The following MAF variants were observed in gnomAD, a reference collection of about 807,000 sequenced individuals.
MAF encodes transcription factor Maf.
MAF carries 10 observed loss-of-function variants against 22.0 expected under a neutral mutation model. The ratio of observed to expected loss-of-function variants is 0.45; its 90% confidence interval spans 0.28 to 0.77. The LOEUF (loss-of-function observed/expected upper bound fraction) is 0.77. MAF is among the 30% of genes least tolerant of loss of function. The pLI is 0.12. For missense variants in MAF, 544 were observed against 548.4 expected, an observed-to-expected ratio of 0.99 and a Z score of 0.08; for synonymous variants, 337 against 255.8, an observed-to-expected ratio of 1.32 and a Z score of -3.03.
At chr16:79,566,566 C>T in the MAF span, among the ~76,000 whole-genome samples, 1 of 152,226 alleles carries the variant, frequency 6.6e-6, no homozygotes, top group Non-Finnish European at 1.5e-5. Context: ...TCCTTTCACT[C>T]TGCACCCTCG....
the MAF span, among the ~76,000 whole-genome samples, chr16:79,401,478 T>G: frequency 2.0e-5 from 3 of 152,160 alleles, no homozygotes; most frequent in East Asian, 5.8e-4. Context: ...ACCCAGGGTC[T>G]ACTGAGAATA....
At chr16:79,572,904 G>A in the MAF span, among the ~76,000 whole-genome samples, 1 of 152,198 alleles carries the variant, frequency 6.6e-6, no homozygotes, top group Non-Finnish European at 1.5e-5. Flanking sequence ...GCTATAAGAT[G>A]CTATAAATAT....
the MAF span, among the ~76,000 whole-genome samples, chr16:79,447,324 T>C: frequency 7.2e-6 from 1 of 139,194 alleles, no homozygotes. Context: ...TGTTAAGACC[T>C]ACTGCTCAAA....
chr16:79,585,550 C>A (rs1330084903), downstream of MAF, among the ~76,000 whole-genome samples: 1 of 151,138 alleles, frequency 6.6e-6, no homozygotes, highest in South Asian at 2.1e-4. Context: ...AGTAGACTCA[C>A]GTTGGATAAA....
the MAF span, among the ~76,000 whole-genome samples, chr16:79,472,060 T>C: frequency 6.6e-6 from 1 of 152,182 alleles, no homozygotes; most frequent in Non-Finnish European, 1.5e-5. Flanking sequence ...CTGACCTCTC[T>C]TTCCCTCTCT....
chr16:79,574,984 G>C, the MAF span, among the ~76,000 whole-genome samples: 2 of 151,740 alleles, frequency 1.3e-5, no homozygotes, highest in South Asian at 4.2e-4. Context: ...CTTCTACTAG[G>C]AGTTCTCAAT....
chr16:79,553,595 G>C, the MAF span, among the ~76,000 whole-genome samples: 1 of 152,218 alleles, frequency 6.6e-6, no homozygotes, highest in Non-Finnish European at 1.5e-5. Context: ...AGTCAGCCTG[G>C]TCAGAAAGCT....
the MAF span, among the ~76,000 whole-genome samples, chr16:79,344,413 T>C: frequency 1.3e-5 from 2 of 152,230 alleles, no homozygotes; most frequent in Admixed American, 6.5e-5. Flanking sequence ...ATATATCTAA[T>C]TGTCCACAAT....
At chr16:79,470,005 TATA>T in the MAF span, among the ~76,000 whole-genome samples, 1 of 152,244 alleles carries the variant, frequency 6.6e-6, no homozygotes. Context: ...GATGGGAACA[TATA>T]ATCTCTACCT....
chr16:79,335,375 G>C, the MAF span, among the ~76,000 whole-genome samples: 1 of 152,142 alleles, frequency 6.6e-6, no homozygotes, highest in African/African-American at 2.4e-5. Flanking sequence ...CAGAGAGCTT[G>C]TTAAACTGGC....
chr16:79,406,566 C>T, the MAF span, among the ~76,000 whole-genome samples: 1 of 152,100 alleles, frequency 6.6e-6, no homozygotes, highest in Non-Finnish European at 1.5e-5. Flanking sequence ...AGCCACAGAT[C>T]CCAAACATGA....
the MAF span, among the ~76,000 whole-genome samples, chr16:79,435,651 C>T: frequency 6.6e-6 from 1 of 152,190 alleles, no homozygotes; most frequent in African/African-American, 2.4e-5. Context: ...TAGTCCTCTT[C>T]TCAGGGCATT....
chr16:79,506,939 G>A, the MAF span, among the ~76,000 whole-genome samples: 2 of 152,064 alleles, frequency 1.3e-5, no homozygotes, highest in Non-Finnish European at 2.9e-5. Flanking sequence ...GACTTAGAGG[G>A]GTGTATAGGA....
At chr16:79,512,117 A>G in the MAF span, among the ~76,000 whole-genome samples, 1 of 152,128 alleles carries the variant, frequency 6.6e-6, no homozygotes, top group Non-Finnish European at 1.5e-5. Context: ...CCTGCTTCAT[A>G]ATCCCATAGC....
the MAF span, among the ~76,000 whole-genome samples, chr16:79,215,297 G>C: frequency 1.3e-5 from 2 of 152,074 alleles, no homozygotes; most frequent in African/African-American, 2.4e-5. Flanking sequence ...GACCAGGCTA[G>C]TCTGGAACTC....
the MAF span, among the ~76,000 whole-genome samples, chr16:79,241,322 A>G: frequency 2.0e-5 from 3 of 152,132 alleles, no homozygotes; most frequent in Admixed American, 6.6e-5. Flanking sequence ...TGCTAACTGG[A>G]ATAACCAGTT....
At chr16:79,357,927 C>T in the MAF span, among the ~76,000 whole-genome samples, 1 of 152,224 alleles carries the variant, frequency 6.6e-6, no homozygotes, top group Non-Finnish European at 1.5e-5. Context: ...CTGATCCGGG[C>T]TGGGACTGCC....
chr16:79,230,407 G>T, the MAF span, among the ~76,000 whole-genome samples: 11 of 152,170 alleles, frequency 7.2e-5, no homozygotes, highest in Non-Finnish European at 1.5e-4. Context: ...TGAAGGCACT[G>T]GACCAGACCT....
the MAF span, among the ~76,000 whole-genome samples, chr16:79,365,289 A>G: frequency 1.3e-5 from 2 of 152,190 alleles, no homozygotes; most frequent in Non-Finnish European, 2.9e-5. Flanking sequence ...TCACAACTAT[A>G]TAATTCTCCA....
Sources: gnomAD v4.1 joint callset for allele counts (sites outside exome capture counted in the v4.1 genomes callset) on GRCh38, gnomAD v4.1.1 for gene constraint, MANE v1.5 for transcripts, NCBI Gene and HGNC (gene_info 2026-07-23, HGNC 2026-07-21) for gene names.